Variants in GALNT17 observed in about 807,000 individuals in gnomAD.
GALNT17 encodes the protein polypeptide N-acetylgalactosaminyltransferase 17, also known as UDP-GalNAc:polypeptide N-acetylgalactosaminyltransferase-like 3.
GALNT17 carries 29 observed loss-of-function variants against 63.7 expected under a neutral mutation model. The observed-to-expected ratio is 0.46, with a 90% CI of 0.34 to 0.62. The LOEUF is 0.62. Among genes scored for constraint, GALNT17 ranks in the 20% least tolerant of loss-of-function variants. The pLI, the probability that GALNT17 is intolerant of heterozygous loss-of-function variation, is 0.01. For synonymous variants in GALNT17, 305 were observed against 318.3 expected, an observed-to-expected ratio of 0.96 and a Z score of 0.45; for missense variants, 603 against 799.6, an observed-to-expected ratio of 0.75 and a Z score of 2.97.
intron 1 of GALNT17, among the ~76,000 whole-genome samples, chr7:71,294,111 G>A (rs1205758322): frequency 6.7e-6 from 1 of 150,034 alleles, no homozygotes; most frequent in Non-Finnish European, 1.5e-5. Context: ...GCAGTGAGCC[G>A]AGATCACAGC....
At chr7:71,484,040 C>A (rs545209041) in intron 5 of GALNT17, among the ~76,000 whole-genome samples, 4 of 152,210 alleles carry the variant, frequency 2.6e-5, no homozygotes, top group South Asian at 2.1e-4. Flanking sequence ...CCTATGATAA[C>A]AATGTATTTT....
At chr7:71,457,863 C>G (rs1399499812) in intron 5 of GALNT17, among the ~76,000 whole-genome samples, 2 of 152,130 alleles carry the variant, frequency 1.3e-5, no homozygotes, top group African/African-American at 4.8e-5. Context: ...CCAGTAGGTT[C>G]CAGCCTTATT....
chr7:71,354,823 T>G (rs1275668786), intron 2 of GALNT17, among the ~76,000 whole-genome samples: 1 of 152,208 alleles, frequency 6.6e-6, no homozygotes, highest in Non-Finnish European at 1.5e-5. Flanking sequence ...CATCTGGGCC[T>G]GATGTTTTTT....
At chr7:71,624,006 G>A (rs2116976467) in intron 6 of GALNT17, among the ~76,000 whole-genome samples, 1 of 152,302 alleles carries the variant, frequency 6.6e-6, no homozygotes, top group African/African-American at 2.4e-5. Flanking sequence ...AGTCAAGGAA[G>A]CCAGGCAGGA....
intron 1 of GALNT17, among the ~76,000 whole-genome samples, chr7:71,204,337 C>T (rs755001792): frequency 3.8e-4 from 58 of 152,050 alleles, no homozygotes; most frequent in Non-Finnish European, 6.9e-4. Flanking sequence ...AGTGTGATGC[C>T]TCCAGCTTTG....
chr7:71,162,087 TCCTCCCTCCCTC>T, intron 1 of GALNT17, among the ~76,000 whole-genome samples: 1 of 99,384 alleles, frequency 1.0e-5, no homozygotes, highest in Non-Finnish European at 2.0e-5. Context: ...CTTCTTTCCT[TCCTCCCTCCCTC>T]CCTTCCTTCC....
chr7:71,211,326 G>T (rs542791386), intron 1 of GALNT17, among the ~76,000 whole-genome samples: 1 of 152,112 alleles, frequency 6.6e-6, no homozygotes, highest in Non-Finnish European at 1.5e-5. Context: ...CTTCTTCATC[G>T]TTTTTCTCTT....
intron 6 of GALNT17, among the ~76,000 whole-genome samples, chr7:71,621,443 A>T (rs917079886): frequency 6.6e-6 from 1 of 152,028 alleles, no homozygotes; most frequent in Admixed American, 6.6e-5. Context: ...TGTAGGAAGG[A>T]TGGCTGAATA....
At chr7:71,369,783 G>T (rs570700514) in intron 2 of GALNT17, among the ~76,000 whole-genome samples, 1 of 134,312 alleles carries the variant, frequency 7.4e-6, no homozygotes, top group South Asian at 2.3e-4. Flanking sequence ...TTGCGCTCCA[G>T]CCTGGGTGAC....
intron 5 of GALNT17, among the ~76,000 whole-genome samples, chr7:71,456,455 T>G (rs1021911739): frequency 2.0e-5 from 3 of 152,000 alleles, no homozygotes; most frequent in Admixed American, 2.0e-4. Flanking sequence ...TCCCAGCACT[T>G]TGGGAGGCCG....
chr7:71,459,973 T>G (rs1267284868), intron 5 of GALNT17, among the ~76,000 whole-genome samples: 1 of 152,220 alleles, frequency 6.6e-6, no homozygotes, highest in African/African-American at 2.4e-5. Flanking sequence ...TAAATTCACC[T>G]TATAGCCTGG....
chr7:71,146,961 T>C (rs1788035300), intron 1 of GALNT17, among the ~76,000 whole-genome samples: 1 of 152,150 alleles, frequency 6.6e-6, no homozygotes, highest in African/African-American at 2.4e-5. Flanking sequence ...AATTGTGTGA[T>C]TAGTGTTTAC....
chr7:71,172,520 A>G (rs888622329), intron 1 of GALNT17, among the ~76,000 whole-genome samples: 2 of 151,722 alleles, frequency 1.3e-5, no homozygotes, highest in Non-Finnish European at 2.9e-5. Flanking sequence ...AACAGACTCT[A>G]AGAACCCTGA....
At chr7:71,547,352 C>A (rs190912421) in intron 5 of GALNT17, among the ~76,000 whole-genome samples, 7 of 151,944 alleles carry the variant, frequency 4.6e-5, no homozygotes, top group South Asian at 4.2e-4. Flanking sequence ...TTAATTGAGA[C>A]GGGGTTTCAC....
chr7:71,575,438 G>A lies in GALNT17; in HGVS notation c.1080+4036G>A, dbSNP rs191820809. Among the ~76,000 whole-genome samples the A allele has an allele frequency of 2.7e-3, 410 of 151,148 alleles. 1 individual carries two copies. Among genetic ancestry groups the A allele is most frequent in the Non-Finnish European group, 4.7e-3 (318 of 67,810 alleles). On this transcript the variant is annotated intron_variant, in intron 6 of 10. Coordinates refer to ENST00000333538, the MANE Select transcript of GALNT17 (RefSeq NM_022479.3). ...AGAGTCTCGCTCTGTCGCTGAGGCT[G>A]GAATGCAGTGACGCGATCTTGGCTC... is the stretch of plus-strand genomic sequence containing the variant.
intron 6 of GALNT17, among the ~76,000 whole-genome samples, chr7:71,607,405 T>A (rs961415206): frequency 1.3e-5 from 2 of 151,842 alleles, no homozygotes; most frequent in Non-Finnish European, 1.5e-5. Context: ...GTCGTAAGAG[T>A]TTAAAGGTGG....
chr7:71,710,883 C>T lies in GALNT17; in HGVS notation c.1623C>T (p.Cys541=), dbSNP rs533871271. ...GTCGGCTGCCCCAGCTCCTGGACTGCGACAAGGTCAAGAGCAGCCTGTACA... is the reference window on the plus strand; with the variant it reads ...GTCGGCTGCCCCAGCTCCTGGACTGTGACAAGGTCAAGAGCAGCCTGTACA... ...SKSRLPQLLD[C]DKVKSSLYKR... Residue 541 remains cysteine, a synonymous_variant, in exon 10 of 11, where the codon TGC becomes TGT. Transcript: ENST00000333538. 22 of 1,613,930 alleles carry T rather than the reference C, an allele frequency of 1.4e-5. No individual in the cohort carries two copies. The East Asian group carries it at 1.8e-4, about 13-fold the overall frequency.
chr7:71,231,154 T>C (rs1406764275), intron 1 of GALNT17, among the ~76,000 whole-genome samples: 1 of 152,192 alleles, frequency 6.6e-6, no homozygotes, highest in Non-Finnish European at 1.5e-5. Flanking sequence ...ACTTTCCCCA[T>C]TAGTAATAAT....
At chr7:71,164,227 A>G (rs1227876865) in intron 1 of GALNT17, among the ~76,000 whole-genome samples, 1 of 152,218 alleles carries the variant, frequency 6.6e-6, no homozygotes, top group Non-Finnish European at 1.5e-5. Context: ...TTATAAAGAA[A>G]GGAGGTTTAA....
Sources: gnomAD v4.1 joint callset for allele counts (sites outside exome capture counted in the v4.1 genomes callset) on GRCh38, gnomAD v4.1.1 for gene constraint, MANE v1.5 for transcripts, NCBI Gene and HGNC (gene_info 2026-07-23, HGNC 2026-07-21) for gene names.